ZNF385D: variants seen among roughly 807,000 people sequenced by gnomAD.
The protein encoded by ZNF385D is zinc finger protein 659.
In ZNF385D, 15 loss-of-function variants were observed where a neutral mutation model predicts 35.8. That is an observed-to-expected ratio of 0.42 (90% CI 0.28 to 0.64). The LOEUF is 0.64. Ranked by LOEUF, ZNF385D falls within the 30% of genes least tolerant of loss-of-function variation. ZNF385D has a pLI of 0.23. For missense variants in ZNF385D, 474 were observed against 494.6 expected (o/e 0.96, Z 0.39); for synonymous variants, 212 against 186.8 (o/e 1.13, Z -1.10).
At chr3:21,951,733 T>A (rs1445783568) in intron 3 of ZNF385D, among the ~76,000 whole-genome samples, 1 of 151,668 alleles carries the variant, frequency 6.6e-6, no homozygotes, top group Non-Finnish European at 1.5e-5. Context: ...CTATACATAC[T>A]GAAATAAACC....
At chr3:22,108,804 T>C (rs948954504) in intron 3 of ZNF385D, among the ~76,000 whole-genome samples, 1 of 152,004 alleles carries the variant, frequency 6.6e-6, no homozygotes, top group Non-Finnish European at 1.5e-5. Context: ...CTTGAGGTCA[T>C]GAGTTCGAGA....
At chr3:21,741,041 T>C (rs2069489003) in intron 1 of ZNF385D, among the ~76,000 whole-genome samples, 1 of 145,070 alleles carries the variant, frequency 6.9e-6, no homozygotes, top group Non-Finnish European at 1.5e-5. Context: ...GAATAACTCA[T>C]GGCAGTGCCT....
intron 4 of ZNF385D, among the ~76,000 whole-genome samples, chr3:21,492,872 T>C (rs1705542266): frequency 6.6e-6 from 1 of 151,918 alleles, no homozygotes; most frequent in Admixed American, 6.6e-5. Flanking sequence ...AATTGCAAGT[T>C]TGATGGAAGA....
Position 21,548,936 on chromosome 3 carries a change from T to G in ZNF385D, c.276+15638A>C, listed in dbSNP as rs373389609. Among the ~76,000 whole-genome samples, 64 of 152,310 alleles carry G rather than the reference T, an allele frequency of 4.2e-4. 1 individual carries two copies. The South Asian group carries it at 0.012, about 30-fold the overall frequency. On this transcript the variant is annotated intron_variant, in intron 3 of 7. Transcript: ENST00000281523. The stretch of plus-strand genomic sequence containing the variant: ...TTTCTCAACCTATACAATGTACAAA[T>G]AGACATCACTATGGTTTGTATGATT...
chr3:21,614,549 G>T (rs956170739), intron 2 of ZNF385D, among the ~76,000 whole-genome samples: 19 of 152,222 alleles, frequency 1.2e-4, no homozygotes, highest in African/African-American at 4.6e-4. Flanking sequence ...AATGGCAGGG[G>T]GTGATTTTTT....
chr3:21,972,501 CA>C (rs1703325805), intron 3 of ZNF385D, among the ~76,000 whole-genome samples: 1 of 151,828 alleles, frequency 6.6e-6, no homozygotes, highest in African/African-American at 2.4e-5. Context: ...TTCAAATAAA[CA>C]ACCTATTGGT....
intron 4 of ZNF385D, among the ~76,000 whole-genome samples, chr3:21,499,795 C>A (rs71310259): frequency 0.023 from 3,447 of 152,144 alleles, 47 homozygotes; most frequent in Non-Finnish European, 0.034. Flanking sequence ...TGAGCAATCA[C>A]GTAAATATAA....
chr3:22,020,064 A>T (rs1247559934), intron 3 of ZNF385D, among the ~76,000 whole-genome samples: 1 of 151,892 alleles, frequency 6.6e-6, no homozygotes, highest in Non-Finnish European at 1.5e-5. Flanking sequence ...AAATTCATAC[A>T]ATTAAAAAAT....
intron 3 of ZNF385D, among the ~76,000 whole-genome samples, chr3:21,760,635 A>G (rs2070562582): frequency 6.6e-6 from 1 of 152,234 alleles, no homozygotes; most frequent in Non-Finnish European, 1.5e-5. Context: ...ATAAAAGGTC[A>G]TACTTTTCTT....
At chr3:21,933,309 T>A (rs1379329551) in intron 3 of ZNF385D, among the ~76,000 whole-genome samples, 2 of 152,218 alleles carry the variant, frequency 1.3e-5, no homozygotes, top group African/African-American at 4.8e-5. Context: ...TGTTTCTCTG[T>A]CCCCAGAAGA....
intron 2 of ZNF385D, among the ~76,000 whole-genome samples, chr3:22,328,539 C>T (rs1694779378): frequency 6.6e-6 from 1 of 152,004 alleles, no homozygotes; most frequent in South Asian, 2.1e-4. Flanking sequence ...CCGAGGCTGG[C>T]AGATCATAAG....
intron 3 of ZNF385D, among the ~76,000 whole-genome samples, chr3:22,073,222 C>T (rs541195159): frequency 6.6e-6 from 1 of 151,678 alleles, no homozygotes; most frequent in Non-Finnish European, 1.5e-5. Context: ...TAATTAAAAT[C>T]ATCATTTGCA....
chr3:22,345,694 C>T (rs1282124179), intron 2 of ZNF385D, among the ~76,000 whole-genome samples: 2 of 152,182 alleles, frequency 1.3e-5, no homozygotes, highest in Admixed American at 6.5e-5. Context: ...CAGATGCCCC[C>T]CTTCAGAACT....
intron 4 of ZNF385D, among the ~76,000 whole-genome samples, chr3:21,461,340 G>A (rs907065340): frequency 6.6e-6 from 1 of 152,052 alleles, no homozygotes; most frequent in Non-Finnish European, 1.5e-5. Context: ...CATGAGGTTA[G>A]GAGTTTGAGA....
chr3:21,523,763 C>A (rs1708054815), intron 3 of ZNF385D, among the ~76,000 whole-genome samples: 1 of 130,156 alleles, frequency 7.7e-6, no homozygotes, highest in African/African-American at 3.0e-5. Flanking sequence ...ACATGGAAGG[C>A]TGTGCAAATT....
At chr3:21,684,857 G>C (rs187709363) in intron 1 of ZNF385D, among the ~76,000 whole-genome samples, 131 of 152,276 alleles carry the variant, frequency 8.6e-4, no homozygotes, top group Middle Eastern at 3.4e-3. Flanking sequence ...TTTGTTCAAA[G>C]GGATGTCTTC....
At chr3:21,565,554 A>ATTCTTTC (rs5847113) in intron 2 of ZNF385D, among the ~76,000 whole-genome samples, 1 of 151,438 alleles carries the variant, frequency 6.6e-6, no homozygotes, top group African/African-American at 2.4e-5. Context: ...CTTGATCTTA[A>ATTCTTTC]TTCTTTCATG....
In ZNF385D at chr3:21,602,517, C is replaced by CTTTTTTTTTTTTTTTTTTTTTT. The variant is rs746138066; in HGVS notation, c.166-37855_166-37834dup. Among the ~76,000 whole-genome samples, 131 of 62,668 alleles carry CTTTTTTTTTTTTTTTTTTTTTT rather than the reference C, an allele frequency of 2.1e-3. 22 individuals carry two copies. Among genetic ancestry groups the CTTTTTTTTTTTTTTTTTTTTTT allele is most frequent in the East Asian group, 1.0e-2 (11 of 1,104 alleles). The allele number at this position is 62,668 out of a possible 152,430, so 41.1% of individuals were successfully genotyped here. A position where few individuals can be genotyped will look rare whatever the true frequency, so the allele number is the denominator to read the frequency against. Reference sequence around the variant, plus strand: ...TAGGTCTCCTGTTTCCCTGCATTTTCTTTTTTTTTTTTTTTTTTTTTTTTT... The same window carrying CTTTTTTTTTTTTTTTTTTTTTT: ...TAGGTCTCCTGTTTCCCTGCATTTTCTTTTTTTTTTTTTTTTTTTTTTTTTTTTTTTTTTTTTTTTTTTTTTT... On this transcript the variant is annotated intron_variant, in intron 2 of 7. Coordinates refer to ENST00000281523, the MANE Select transcript of ZNF385D (RefSeq NM_024697.3).
intron 3 of ZNF385D, among the ~76,000 whole-genome samples, chr3:22,110,546 C>G (rs952246843): frequency 6.6e-6 from 1 of 151,868 alleles, no homozygotes; most frequent in Non-Finnish European, 1.5e-5. Flanking sequence ...GGACAAAAAA[C>G]CAAACACCGC....
Sources: gnomAD v4.1 joint callset for allele counts (sites outside exome capture counted in the v4.1 genomes callset) on GRCh38, gnomAD v4.1.1 for gene constraint, MANE v1.5 for transcripts, NCBI Gene and HGNC (gene_info 2026-07-23, HGNC 2026-07-21) for gene names.